Variants in PRKAG2 observed in about 807,000 individuals in gnomAD.
The protein encoded by PRKAG2 is protein kinase AMP-activated non-catalytic subunit gamma 2.
Under a neutral mutation model 69.6 loss-of-function variants are expected in PRKAG2, and 26 were observed. The observed-to-expected ratio is 0.37, with a 90% confidence interval of 0.27 to 0.52. The LOEUF (loss-of-function observed/expected upper bound fraction) is 0.52, where lower values mean the gene tolerates loss of function less well. Among genes scored for constraint, PRKAG2 ranks in the 20% least tolerant of loss-of-function variants. PRKAG2 has a pLI of 0.90. For synonymous variants in PRKAG2, 293 were observed against 285.0 expected (o/e 1.03, Z -0.28); for missense variants, 557 against 740.0 (o/e 0.75, Z 2.87).
chr7:151,564,803 G>A (rs79777191), intron 13 of PRKAG2, among the ~76,000 whole-genome samples: 8 of 152,134 alleles, frequency 5.3e-5, no homozygotes, highest in East Asian at 3.9e-4. Flanking sequence ...CATATTTCTC[G>A]GTGACTGTTA....
chr7:151,755,545 T>G (rs958515640), intron 3 of PRKAG2, among the ~76,000 whole-genome samples: 18 of 152,024 alleles, frequency 1.2e-4, no homozygotes, highest in Non-Finnish European at 2.2e-4. Context: ...GATGACATGA[T>G]GGGATTTATG....
intron 3 of PRKAG2, among the ~76,000 whole-genome samples, chr7:151,697,696 A>G (rs1836923375): frequency 6.6e-6 from 1 of 151,944 alleles, no homozygotes; most frequent in East Asian, 1.9e-4. Context: ...GCTGGGATAC[A>G]GTGGTGCGCT....
chr7:151,638,879 G>A lies in PRKAG2; in HGVS notation c.685-6741C>T, dbSNP rs1243870648. Among the ~76,000 whole-genome samples the A allele has an allele frequency of 6.6e-6, 1 of 152,190 alleles. No homozygotes were observed. The highest frequency in any genetic ancestry group is 1.5e-5 in the Non-Finnish European group (1 of 68,024). On this transcript the variant is annotated intron_variant, in intron 4 of 15. Transcript: ENST00000287878. The surrounding 1 kb of genome is among the most constrained non-coding windows in gnomAD (Gnocchi z 4.3). ...CTCAAATACTGGGTAAGGAGCTCCT[G>A]AATAATTTAGCATACAGAACTCTTA...
intron 1 of PRKAG2, among the ~76,000 whole-genome samples, chr7:151,870,862 TTG>T (rs2080205822): frequency 6.6e-6 from 1 of 152,164 alleles, no homozygotes; most frequent in Non-Finnish European, 1.5e-5. Context: ...TCTGCAAACG[TTG>T]TGACTGCCCA....
chr7:151,804,131 C>T (rs1318308161), intron 1 of PRKAG2, among the ~76,000 whole-genome samples: 2 of 152,014 alleles, frequency 1.3e-5, no homozygotes, highest in Non-Finnish European at 1.5e-5. Context: ...CTGTTTTGCT[C>T]GTGTCTTACT....
At chr7:151,766,235 T>C (rs113027229) in intron 3 of PRKAG2, among the ~76,000 whole-genome samples, 92 of 152,340 alleles carry the variant, frequency 6.0e-4, no homozygotes, top group African/African-American at 2.1e-3. Flanking sequence ...ATCTGAAACC[T>C]TTGTTCTTCC....
At chr7:151,729,287 C>T (rs868381683) in intron 3 of PRKAG2, among the ~76,000 whole-genome samples, 53 of 152,202 alleles carry the variant, frequency 3.5e-4, no homozygotes, top group Middle Eastern at 3.4e-3. Context: ...CCGAAACCCC[C>T]CAAAGACCCA....
At chr7:151,773,091 G>GAGGGAGGGAGGGA (rs2076154928) in intron 3 of PRKAG2, among the ~76,000 whole-genome samples, 1 of 70,132 alleles carries the variant, frequency 1.4e-5, no homozygotes, top group African/African-American at 6.6e-5. Flanking sequence ...GGGAGGGAGG[G>GAGGGAGGGAGGGA]AGGGAAGGGA....
chr7:151,869,229 C>T (rs1307013976), intron 1 of PRKAG2, among the ~76,000 whole-genome samples: 1 of 152,208 alleles, frequency 6.6e-6, no homozygotes, highest in East Asian at 1.9e-4. Flanking sequence ...TATGTTAATT[C>T]AGTACTCGAG....
rs926973128 is a variant in PRKAG2, at chr7:151,615,430, A to G, written c.754+16639T>C. Among the ~76,000 whole-genome samples, 106 of 152,202 alleles carry G rather than the reference A, an allele frequency of 7.0e-4. 4 individuals carry two copies. The highest frequency in any genetic ancestry group is 4.4e-5 in the Non-Finnish European group (3 of 68,038). ...GCTAGGTCAAATGGCAGGATTAAAG[A>G]CTTAAATGTAAAATTGAAAATTATA... is the stretch of plus-strand genomic sequence containing the variant. On this transcript the variant is annotated intron_variant, in intron 5 of 15. Coordinates refer to ENST00000287878, the MANE Select transcript of PRKAG2 (RefSeq NM_016203.4).
intron 5 of PRKAG2, among the ~76,000 whole-genome samples, chr7:151,621,860 C>G (rs1017603608): frequency 2.8e-4 from 42 of 152,298 alleles, no homozygotes; most frequent in African/African-American, 9.9e-4. Flanking sequence ...CAGGCGTGAA[C>G]CACCATGCCC....
At chr7:151,728,019 G>A (rs1471772996) in intron 3 of PRKAG2, among the ~76,000 whole-genome samples, 2 of 152,158 alleles carry the variant, frequency 1.3e-5, no homozygotes, top group African/African-American at 2.4e-5. Context: ...AGGCCACTGC[G>A]CTGCTCAGCT....
rs938264050 is a variant in PRKAG2, at chr7:151,567,164, G to A, written c.1234-1279C>T. Among the ~76,000 whole-genome samples, 1 of 152,148 alleles carries A rather than the reference G, an allele frequency of 6.6e-6. No homozygotes were observed. Among genetic ancestry groups the A allele is most frequent in the East Asian group, 1.9e-4 (1 of 5,196 alleles). ...TTAGTATCCACATGACTGGGGGCACGTTTCCCAGCCAGGTGTCCTGTGTAT... is the reference window on the plus strand; with the variant it reads ...TTAGTATCCACATGACTGGGGGCACATTTCCCAGCCAGGTGTCCTGTGTAT... On this transcript the variant is annotated intron_variant, in intron 11 of 15. Coordinates refer to ENST00000287878, the MANE Select transcript of PRKAG2 (RefSeq NM_016203.4). The surrounding 1 kb of genome is among the most constrained non-coding windows in gnomAD (Gnocchi z 4.2).
intron 5 of PRKAG2, among the ~76,000 whole-genome samples, chr7:151,601,061 C>T (rs1048983497): frequency 6.6e-6 from 1 of 152,176 alleles, no homozygotes; most frequent in Non-Finnish European, 1.5e-5. Context: ...ACTTCCCTCA[C>T]TCAACGGTGC....
At chr7:151,813,566 C>T (rs1365513034) in intron 1 of PRKAG2, among the ~76,000 whole-genome samples, 1 of 151,952 alleles carries the variant, frequency 6.6e-6, no homozygotes, top group Non-Finnish European at 1.5e-5. Context: ...AAGAGGGATG[C>T]TGGGTGAGCT....
At chr7:151,693,720 T>C (rs1353502635) in intron 3 of PRKAG2, among the ~76,000 whole-genome samples, 1 of 152,136 alleles carries the variant, frequency 6.6e-6, no homozygotes, top group African/African-American at 2.4e-5. Context: ...TGGTGCCCCA[T>C]GCCCTTACAA....
At chr7:151,837,618 G>T (rs542019375) in intron 1 of PRKAG2, 3 of 152,414 alleles carry the variant, frequency 2.0e-5, no homozygotes, top group South Asian at 2.1e-4. Context: ...CTCGAGGGGG[G>T]ACTGCAGGGA....
intron 3 of PRKAG2, among the ~76,000 whole-genome samples, chr7:151,751,169 C>T (rs1336062394): frequency 6.7e-6 from 1 of 150,030 alleles, no homozygotes; most frequent in East Asian, 2.0e-4. Flanking sequence ...GTGATCTCAG[C>T]TCACTGCAAG....
chr7:151,789,581 G>C (rs771981492), intron 1 of PRKAG2, among the ~76,000 whole-genome samples: 1 of 111,072 alleles, frequency 9.0e-6, no homozygotes, highest in South Asian at 2.2e-4. Flanking sequence ...CCAGCCACTC[G>C]TACCGTCACC....
Sources: gnomAD v4.1 joint callset for allele counts (sites outside exome capture counted in the v4.1 genomes callset) on GRCh38, gnomAD v4.1.1 for gene constraint, Gnocchi (gnomAD v3.1) non-coding constraint, MANE v1.5 for transcripts, NCBI Gene and HGNC (gene_info 2026-07-23, HGNC 2026-07-21) for gene names.